The following RIOK1 variants were observed in gnomAD, a reference collection of about 807,000 sequenced individuals.
RIOK1 encodes serine/threonine-protein kinase RIO1.
A neutral mutation model predicts 73.5 loss-of-function variants in RIOK1; 66 were observed. The ratio of observed to expected loss-of-function variants is 0.90; its 90% CI spans 0.74 to 1.10. The LOEUF is 1.10. Ranked by LOEUF, RIOK1 falls within the 50% of genes least tolerant of loss-of-function variation. RIOK1 has a pLI of 0.00. For synonymous variants in RIOK1, 224 were observed against 226.8 expected, an observed-to-expected ratio of 0.99 and a Z score of 0.11; for missense variants, 658 against 699.8, an observed-to-expected ratio of 0.94 and a Z score of 0.67.
At chr6:7,401,093 T>G in intron 6 of RIOK1, 43 bp downstream of exon 6, 3 of 1,309,344 alleles carry the variant, frequency 2.3e-6, no homozygotes, top group Non-Finnish European at 3.3e-6. Flanking sequence ...TTTTCTTATT[T>G]CAGATACCAG....
At chr6:7,404,049 T>TA (rs1561877863) in intron 9 of RIOK1, 22 bp downstream of exon 9, 1 of 1,471,472 alleles carries the variant, frequency 6.8e-7, no homozygotes, top group Non-Finnish European at 9.5e-7. Context: ...GAAGGGCTAA[T>TA]AATTGCATTC....
intron 16 of RIOK1, among the ~76,000 whole-genome samples, chr6:7,415,141 G>T (rs941122299): frequency 1.3e-5 from 2 of 152,172 alleles, no homozygotes; most frequent in African/African-American, 4.8e-5. Flanking sequence ...TAAGTGGAAA[G>T]GTGACCATTC....
intron 13 of RIOK1, among the ~76,000 whole-genome samples, chr6:7,410,883 A>T (rs564929247): frequency 6.6e-6 from 1 of 152,048 alleles, no homozygotes; most frequent in Non-Finnish European, 1.5e-5. Context: ...AATTCTCACA[A>T]CTCTTAATGG....
Position 7,402,628 on chromosome 6 carries a change from C to T in RIOK1, c.599C>T (p.Ala200Val). 1 of 1,609,998 alleles carries T rather than the reference C, an allele frequency of 6.2e-7. No homozygotes were observed. Among genetic ancestry groups the T allele is most frequent in the Non-Finnish European group, 8.5e-7 (1 of 1,178,476 alleles). Residue 200 changes from alanine (A) to valine (V), a missense_variant, in exon 7 of 17, where the codon GCA becomes GTA. By Grantham distance (64) the Ala-to-Val change is moderately conservative. Coordinates refer to ENST00000379834, the MANE Select transcript of RIOK1 (RefSeq NM_031480.3). ...GCTAATGTATACCATGCTAGCACAG[C>T]AAATGGAGAGAGCAGAGCAATCAAA... ...KEANVYHASTANGESRAIKIY... is the reference protein window; with the variant it reads ...KEANVYHASTVNGESRAIKIY...
At chr6:7,393,422 C>T (rs1761392533) in intron 2 of RIOK1, 119 bp downstream of exon 2, 2 of 792,846 alleles carry the variant, frequency 2.5e-6, no homozygotes, top group Non-Finnish European at 4.2e-6. Context: ...TTATATTGTC[C>T]TGTAGCCTCA....
intron 2 of RIOK1, among the ~76,000 whole-genome samples, chr6:7,393,662 G>A (rs533754392): frequency 6.6e-6 from 1 of 152,202 alleles, no homozygotes; most frequent in African/African-American, 2.4e-5. Flanking sequence ...TAGAGATGCC[G>A]TTTTTTCACC....
chr6:7,395,855 G>A (rs1761462631), intron 3 of RIOK1, among the ~76,000 whole-genome samples: 1 of 152,006 alleles, frequency 6.6e-6, no homozygotes, highest in Non-Finnish European at 1.5e-5. Context: ...GACCACAGGT[G>A]CACACCACCA....
chr6:7,410,802 A>G (rs954504123), intron 13 of RIOK1, among the ~76,000 whole-genome samples: 5 of 152,222 alleles, frequency 3.3e-5, no homozygotes, highest in African/African-American at 1.2e-4. Context: ...TATAGATTTT[A>G]AATATTATGC....
At chr6:7,396,948 A>G (rs1335044498) in intron 4 of RIOK1, among the ~76,000 whole-genome samples, 176 bp downstream of exon 4, 3 of 151,136 alleles carry the variant, frequency 2.0e-5, no homozygotes, top group South Asian at 2.1e-4. Flanking sequence ...AGGATAACCT[A>G]TGCCTTTGTG....
At chr6:7,395,202 T>C (rs1368996422) in intron 3 of RIOK1, 59 bp downstream of exon 3, 1 of 1,539,784 alleles carries the variant, frequency 6.5e-7, no homozygotes, top group East Asian at 2.4e-5. Flanking sequence ...CCATGGAGTG[T>C]TGTATAATTT....
intron 13 of RIOK1, 29 bp downstream of exon 13, chr6:7,410,480 T>A: frequency 6.7e-7 from 1 of 1,498,970 alleles, no homozygotes; most frequent in Admixed American, 1.9e-5. Context: ...TCACAGCCTT[T>A]GGAAACACTT....
chr6:7,391,297 C>A (rs1761332762), intron 1 of RIOK1, among the ~76,000 whole-genome samples: 2 of 152,214 alleles, frequency 1.3e-5, no homozygotes, highest in South Asian at 4.1e-4. Flanking sequence ...TGCACCCTAG[C>A]AGGGGAAACC....
At chr6:7,414,149 T>C (rs2245533) in intron 15 of RIOK1, 89 bp from the exon 16 acceptor site, 660,165 of 1,235,932 alleles carry the variant, frequency 0.53, 182,843 homozygotes, top group South Asian at 0.59. Context: ...GAGCCTAAAA[T>C]CTGAATTCTG....
rs1406086996 is a variant in RIOK1 at position 7,398,731 on chromosome 6, T to G, written c.471T>G (p.Thr157=). Residue 157 remains threonine, a synonymous_variant, in exon 5 of 17, where the codon ACT becomes ACG. Coordinates refer to ENST00000379834, the MANE Select transcript of RIOK1 (RefSeq NM_031480.3). ...YRIKDKADRA[T]VEQVLDPRTR... ...TCAAAGATAAGGCAGACAGAGCAAC[T>G]GTAGAACAGGTACAATTTAAATGTG... 3.7e-6 allele frequency: 6 copies of G among 1,611,966 alleles called. No homozygotes were observed.
At chr6:7,409,381 G>C (rs974380475) in intron 12 of RIOK1, among the ~76,000 whole-genome samples, 14 of 152,044 alleles carry the variant, frequency 9.2e-5, no homozygotes. Context: ...CAGCCTCCAA[G>C]TAACTGAGAT....
intron 1 of RIOK1, among the ~76,000 whole-genome samples, chr6:7,392,359 C>T (rs1761363509): frequency 6.6e-6 from 1 of 152,046 alleles, no homozygotes; most frequent in Non-Finnish European, 1.5e-5. Context: ...TTTGTAGTGC[C>T]TGGTCCCTGT....
intron 13 of RIOK1, 51 bp from the exon 14 acceptor site, chr6:7,411,281 T>C: frequency 6.3e-7 from 1 of 1,597,986 alleles, no homozygotes; most frequent in South Asian, 1.1e-5. Context: ...GCTGTGTGAA[T>C]GTGAGAAGTG....
At chr6:7,410,318 A>G in intron 12 of RIOK1, 68 bp from the exon 13 acceptor site, 1 of 1,098,694 alleles carries the variant, frequency 9.1e-7, no homozygotes, top group East Asian at 2.4e-5. Context: ...TTTATACCAA[A>G]ACTGGGACAT....
Position 7,393,191 on chromosome 6 carries a change from TAGA to T in RIOK1, c.168_170del (p.Glu56del). 1 of 1,613,082 alleles carries T rather than the reference TAGA, an allele frequency of 6.2e-7. No homozygotes were observed. The highest frequency in any genetic ancestry group is 8.5e-7 in the Non-Finnish European group (1 of 1,179,284). On this transcript the variant is annotated inframe_deletion, in exon 2 of 17. Coordinates refer to ENST00000379834, the MANE Select transcript of RIOK1 (RefSeq NM_031480.3). ...GTGAATGAGAATGGTGAAGGTGAAATAGAAGATGAGGAGGAGGAGGGTTATGAC... is the reference window on the plus strand; with the variant it reads ...GTGAATGAGAATGGTGAAGGTGAAATAGATGAGGAGGAGGAGGGTTATGAC...
Sources: gnomAD v4.1 joint callset for allele counts (sites outside exome capture counted in the v4.1 genomes callset) on GRCh38, gnomAD v4.1.1 for gene constraint, MANE v1.5 for transcripts, NCBI Gene and HGNC (gene_info 2026-07-23, HGNC 2026-07-21) for gene names.